ZNF525: variants seen among roughly 807,000 people sequenced by gnomAD.
ZNF525 encodes zinc finger protein 525.
ZNF525 carries 33 observed loss-of-function variants against 37.6 expected under a neutral mutation model. That is an observed-to-expected ratio of 0.88 (90% CI 0.67 to 1.17). The LOEUF (loss-of-function observed/expected upper bound fraction) is 1.17. Ranked by LOEUF, ZNF525 falls within the 50% of genes most tolerant of loss-of-function variation. The pLI is 0.00. For synonymous variants in ZNF525, 170 were observed against 182.3 expected (o/e 0.93, Z 0.54); for missense variants, 449 against 543.1 (o/e 0.83, Z 1.72).
intron 2 of ZNF525, among the ~76,000 whole-genome samples, chr19:53,373,746 T>C (rs899128734): frequency 1.7e-4 from 25 of 151,282 alleles, no homozygotes; most frequent in African/African-American, 6.1e-4. Flanking sequence ...GACTTGAACC[T>C]GGGAAGCGGA....
intron 1 of ZNF525, among the ~76,000 whole-genome samples, chr19:53,366,457 CAG>C (rs1600005546): frequency 6.9e-6 from 1 of 144,494 alleles, no homozygotes; most frequent in South Asian, 2.2e-4. Context: ...AAACCTGAGA[CAG>C]AGAAAAGAAG....
At chr19:53,367,029 A>T (rs551694004) in intron 1 of ZNF525, among the ~76,000 whole-genome samples, 5 of 152,186 alleles carry the variant, frequency 3.3e-5, no homozygotes, top group Non-Finnish European at 7.3e-5. Context: ...ATCATATAAT[A>T]GGTCACGTAA....
In ZNF525 at chr19:53,383,685, C is replaced by T. The variant is rs2085584691; in HGVS notation, c.*1666C>T. ...GATTCTCACAACGTCTTCAGTAATG[C>T]TACAACCATTGTAAATCACTGGAGA... On this transcript the variant is annotated 3_prime_UTR_variant, in exon 4 of 4. Coordinates refer to ENST00000474037, the MANE Select transcript of ZNF525 (RefSeq NM_001348156.2). 3 of 705,258 alleles carry T rather than the reference C, an allele frequency of 4.3e-6. No homozygotes were observed. The highest frequency in any genetic ancestry group is 7.1e-6 in the Non-Finnish European group (3 of 423,522). The allele number at this position is 705,258 out of a possible 1,614,324, so 43.7% of individuals were successfully genotyped here.
chr19:53,375,819 G>A lies in ZNF525; in HGVS notation c.65G>A (p.Trp22Ter). ...GCCATAGAATTCTCTCAGGAGGAGT[G>A]GAAATGCCTGGACCCTGCTCAGAGG... ...DVAIEFSQEE[W>*]KCLDPAQRTL... Residue 22 changes from tryptophan (W) to a stop codon, truncating the protein, a stop_gained, in exon 3 of 4, where the codon TGG (tryptophan) becomes TAG (stop). Coordinates refer to ENST00000474037, the MANE Select transcript of ZNF525 (RefSeq NM_001348156.2). LOFTEE classifies it high-confidence loss of function. The A allele has an allele frequency of 6.2e-7, 1 of 1,613,930 alleles. No individual in the cohort carries two copies. Among genetic ancestry groups the A allele is most frequent in the South Asian group, 1.1e-5 (1 of 91,078 alleles).
At chr19:53,377,043 C>T (rs560267955) in intron 3 of ZNF525, among the ~76,000 whole-genome samples, 79 of 152,292 alleles carry the variant, frequency 5.2e-4, no homozygotes, top group Admixed American at 3.3e-3. Context: ...GGAATTATTT[C>T]TGTGTATGCT....
rs1432100231 is a variant in ZNF525, at chr19:53,381,789, C to G, written c.1210C>G (p.Leu404Val). The G allele has an allele frequency of 1.9e-6, 2 of 1,062,254 alleles. No homozygotes were observed. Among genetic ancestry groups the G allele is most frequent in the Non-Finnish European group, 3.0e-6 (2 of 676,004 alleles). The allele number at this position is 1,062,254 out of a possible 1,614,324, so 65.8% of individuals were successfully genotyped here. The change falls in exon 4 of 4, where the codon CTT becomes GTT. Residue 404 changes from leucine (L) to valine (V), a missense_variant. Coordinates refer to ENST00000474037, the MANE Select transcript of ZNF525 (RefSeq NM_001348156.2). Reference protein sequence around the residue: ...HMSTLTCHRRLHTGEKPYKCE... With the variant: ...HMSTLTCHRRVHTGEKPYKCE... ...GTCAACCCTTACATGCCATCGTAGA[C>G]TTCATACTGGAGAGAAACCTTACAA...
chr19:53,378,151 C>T (rs1005946198), intron 3 of ZNF525, among the ~76,000 whole-genome samples: 5 of 151,886 alleles, frequency 3.3e-5, no homozygotes, highest in Admixed American at 1.3e-4. Context: ...GGTGAAACCT[C>T]GAATCTACTA....
chr19:53,368,078 A>G (rs1440846578), intron 1 of ZNF525, among the ~76,000 whole-genome samples: 2 of 151,982 alleles, frequency 1.3e-5, no homozygotes, highest in African/African-American at 4.8e-5. Flanking sequence ...TGTAGACAGG[A>G]TACCTTAAAA....
Position 53,372,262 on chromosome 19 carries a change from G to A in ZNF525, c.-20G>A. On this transcript the variant is annotated 5_prime_UTR_variant, in exon 2 of 4. Coordinates refer to ENST00000474037, the MANE Select transcript of ZNF525 (RefSeq NM_001348156.2). ...GTACATGAGGAAGAAACCCGGAAAA[G>A]GAAAGCAGAGGAGTCAGGGATGGCT... 7 of 761,212 alleles carry A rather than the reference G, an allele frequency of 9.2e-6. No individual in the cohort carries two copies. The highest frequency in any genetic ancestry group is 1.7e-5 in the Non-Finnish European group (7 of 417,956). 47.2% of individuals were successfully genotyped at this position (761,212 alleles called of 1,614,324 possible).
chr19:53,371,998 C>G (rs918866691), intron 1 of ZNF525, among the ~76,000 whole-genome samples: 1 of 152,102 alleles, frequency 6.6e-6, no homozygotes, highest in Non-Finnish European at 1.5e-5. Context: ...AGAGCTCATT[C>G]CAGCCCAGCT....
At chr19:53,367,615 C>G (rs1276719859) in intron 1 of ZNF525, among the ~76,000 whole-genome samples, 1 of 152,142 alleles carries the variant, frequency 6.6e-6, no homozygotes, top group African/African-American at 2.4e-5. Context: ...GGAGGAAAAC[C>G]AGCCTCTAAA....
chr19:53,370,124 T>A (rs1245386286), intron 1 of ZNF525, among the ~76,000 whole-genome samples: 1 of 150,244 alleles, frequency 6.7e-6, no homozygotes, highest in Non-Finnish European at 1.5e-5. Context: ...CAGGCCCCCA[T>A]GTAATAATTC....
chr19:53,379,663 T>C (rs1305964655), intron 3 of ZNF525, among the ~76,000 whole-genome samples: 2 of 152,212 alleles, frequency 1.3e-5, no homozygotes, highest in Admixed American at 1.3e-4. Context: ...ATAAAGCTTT[T>C]CGGTATGTGG....
At position 53,366,782 on chromosome 19, in the gene ZNF525, G is replaced by A. The variant is rs113374991; in HGVS notation, c.-68+1023G>A. Among the ~76,000 whole-genome samples, 562 of 132,104 alleles carry A rather than the reference G, an allele frequency of 4.3e-3. 1 individual carries two copies. Among genetic ancestry groups the A allele is most frequent in the Middle Eastern group, 0.015 (4 of 260 alleles). 86.7% of individuals were successfully genotyped at this position (132,104 alleles called of 152,430 possible). ...GGGAGGACACCTGGGGATCTGGGGT[G>A]CCAGAGAGTGGGGACAGGGGGTATA... On this transcript the variant is annotated intron_variant, in intron 1 of 3. Transcript: ENST00000474037.
At position 53,382,339 on chromosome 19, in the gene ZNF525, C is replaced by A; in HGVS notation, c.*320C>A. 1 of 1,283,646 alleles carries A rather than the reference C, an allele frequency of 7.8e-7. No homozygotes were observed. The highest frequency in any genetic ancestry group is 1.5e-5 in the African/African-American group (1 of 68,458). 79.5% of individuals were successfully genotyped at this position (1,283,646 alleles called of 1,614,324 possible). On this transcript the variant is annotated 3_prime_UTR_variant, in exon 4 of 4. Coordinates refer to ENST00000474037, the MANE Select transcript of ZNF525 (RefSeq NM_001348156.2). ...TACAAATGTGAAGAATGTGATGAAACTTTCAGATACAAATCAAATCTTGAA... is the reference window on the plus strand; with the variant it reads ...TACAAATGTGAAGAATGTGATGAAAATTTCAGATACAAATCAAATCTTGAA...
At chr19:53,366,768 T>A (rs371246719) in intron 1 of ZNF525, among the ~76,000 whole-genome samples, 3 of 145,154 alleles carry the variant, frequency 2.1e-5, no homozygotes, top group African/African-American at 8.0e-5. Flanking sequence ...GGAGGACACC[T>A]GGGGATCTGG....
Position 53,382,689 on chromosome 19 carries a change from C to G in ZNF525, c.*670C>G, listed in dbSNP as rs2085575806. On this transcript the variant is annotated 3_prime_UTR_variant, in exon 4 of 4. Transcript: ENST00000474037. The stretch of plus-strand genomic sequence containing the variant: ...CACCACGTCTTCAGTAATGCTACAA[C>G]TATTGCAAATCATTGGAGAATCCAT... 1 of 743,314 alleles carries G rather than the reference C, an allele frequency of 1.3e-6. No individual in the cohort carries two copies. The highest frequency in any genetic ancestry group is 1.9e-5 in the Admixed American group (1 of 53,576). 46.0% of individuals were successfully genotyped at this position (743,314 alleles called of 1,614,324 possible). A position where few individuals can be genotyped will look rare whatever the true frequency, so the allele number is the denominator to read the frequency against.
chr19:53,374,688 A>G (rs79607266), intron 2 of ZNF525, among the ~76,000 whole-genome samples: 2,252 of 152,312 alleles, frequency 0.015, 49 homozygotes, highest in African/African-American at 0.051. Context: ...ACACATATAC[A>G]TATACATACG....
In ZNF525 at chr19:53,369,619, C is replaced by T. The variant is rs931100737; in HGVS notation, c.-67-2596C>T. On this transcript the variant is annotated intron_variant, in intron 1 of 3. Coordinates refer to ENST00000474037, the MANE Select transcript of ZNF525 (RefSeq NM_001348156.2). ...TTTTTAAGGTCAATAGCTGTGGGTT[C>T]GCACTTCTGCATTTTATAAATGTTA... Among the ~76,000 whole-genome samples, 54 of 146,976 alleles carry T rather than the reference C, an allele frequency of 3.7e-4. 6 individuals are homozygous for T. The highest frequency in any genetic ancestry group is 6.8e-4 in the Admixed American group (10 of 14,794).
Sources: allele counts gnomAD v4.1 joint callset (sites outside exome capture counted in the v4.1 genomes callset), GRCh38; gene constraint gnomAD v4.1.1; transcripts MANE v1.5; gene names NCBI Gene and HGNC (gene_info 2026-07-23, HGNC 2026-07-21).